Variants in FBN3 observed in about 807,000 individuals in gnomAD.
FBN3 encodes the protein fibrillin 3, also known as fibrillin-3.
A neutral mutation model predicts 330.1 loss-of-function variants in FBN3; 234 were observed. The ratio of observed to expected loss-of-function variants is 0.71; its 90% CI spans 0.64 to 0.79. FBN3 has a LOEUF of 0.79. FBN3 is among the 30% of genes least tolerant of loss of function. The pLI, the probability that FBN3 is intolerant of heterozygous loss-of-function variation, is 0.00. For missense variants in FBN3, 3,606 were observed against 3,886.9 expected (o/e 0.93, Z 1.92); for synonymous variants, 1,458 against 1,517.3 (o/e 0.96, Z 0.91).
intron 63 of FBN3, among the ~76,000 whole-genome samples, chr19:8,068,504 C>T (rs554893232): frequency 2.0e-5 from 3 of 151,924 alleles, no homozygotes; most frequent in Non-Finnish European, 4.4e-5. Flanking sequence ...TGAGACCAGC[C>T]TGGGCAACAT....
At chr19:8,087,598 A>ATTTTTTTTT (rs35631767) in intron 53 of FBN3, among the ~76,000 whole-genome samples, 1 of 75,452 alleles carries the variant, frequency 1.3e-5, no homozygotes, top group African/African-American at 5.8e-5. Flanking sequence ...GCATTGCAGG[A>ATTTTTTTTT]TTTTTTTTTT....
intron 34 of FBN3, among the ~76,000 whole-genome samples, chr19:8,110,424 C>T (rs531356669): frequency 5.9e-5 from 9 of 152,276 alleles, no homozygotes; most frequent in African/African-American, 1.4e-4. Flanking sequence ...AGGTCAAATC[C>T]GGTCCACCAC....
At chr19:8,128,982 G>C (rs761407998) in intron 18 of FBN3, 46 bp downstream of exon 18, 2 of 1,577,390 alleles carry the variant, frequency 1.3e-6, no homozygotes, top group African/African-American at 2.7e-5. Context: ...AAGTATGTTG[G>C]AGCATATGTG....
chr19:8,085,413 G>A lies in FBN3; in HGVS notation c.7037C>T (p.Ala2346Val), dbSNP rs1413339414. The A allele has an allele frequency of 6.3e-7, 1 of 1,578,124 alleles. No homozygotes were observed. Among genetic ancestry groups the A allele is most frequent in the Non-Finnish European group, 8.6e-7 (1 of 1,164,316 alleles). The change falls in exon 56 of 64, where the codon GCC (alanine) becomes GTC (valine). Residue 2346 changes from alanine to valine, a missense_variant. Coordinates refer to ENST00000600128, the MANE Select transcript of FBN3 (RefSeq NM_032447.5). ...GCCATGGGGGCACAGCTTCCTGTAGGCAGAGGTGCCGGGCAGGGGACAGAG... is the reference window on the plus strand; with the variant it reads ...GCCATGGGGGCACAGCTTCCTGTAGACAGAGGTGCCGGGCAGGGGACAGAG... ...CELCPLPGTS[A>V]YRKLCPHGSG...
chr19:8,146,040 C>T, intron 4 of FBN3, 87 bp downstream of exon 4: 1 of 1,502,044 alleles, frequency 6.7e-7, no homozygotes, highest in Non-Finnish European at 9.1e-7. Context: ...CGCTCCTGTC[C>T]TTCAACAAAA....
chr19:8,105,011 G>A (rs1358248238), intron 38 of FBN3, among the ~76,000 whole-genome samples: 1 of 151,024 alleles, frequency 6.6e-6, no homozygotes, highest in African/African-American at 2.4e-5. Context: ...CTAGAGTGCA[G>A]TGGCCTCATC....
At chr19:8,146,842 A>C (rs549686054) in intron 3 of FBN3, among the ~76,000 whole-genome samples, 2 of 146,112 alleles carry the variant, frequency 1.4e-5, no homozygotes, top group Non-Finnish European at 3.0e-5. Flanking sequence ...AGAGAGAGAC[A>C]TGAGCAGAGA....
chr19:8,123,864 G>A lies in FBN3; in HGVS notation c.2876C>T (p.Ser959Phe). The change falls in exon 23 of 64, where the codon TCT (serine) becomes TTT (phenylalanine). Residue 959 changes from serine to phenylalanine, a missense_variant. Ser to Phe is a radical substitution (Grantham distance 155). Transcript: ENST00000600128. ...CGGGCACAGGCTGGCGAACTCCAGA[G>A]ACTCGGGATCCGGGCAGGCCTCGCA... ...VECEACPDPE[S>F]LEFASLCPRG... 1 of 1,613,136 alleles carries A rather than the reference G, an allele frequency of 6.2e-7. No homozygotes were observed. Among genetic ancestry groups the A allele is most frequent in the African/African-American group, 1.3e-5 (1 of 75,052 alleles).
chr19:8,138,640 C>A, intron 8 of FBN3, 76 bp from the exon 9 acceptor site: 1 of 1,447,710 alleles, frequency 6.9e-7, no homozygotes, highest in Admixed American at 2.1e-5. Context: ...CCAGCTGTAG[C>A]AGCACTGCCT....
chr19:8,117,805 G>A (rs747609556), intron 26 of FBN3, among the ~76,000 whole-genome samples: 11 of 152,058 alleles, frequency 7.2e-5, no homozygotes, highest in South Asian at 2.1e-4. Flanking sequence ...CCACGTGCCC[G>A]CTCACACAGA....
rs537377564 is a variant in FBN3, at chr19:8,081,838, A to G, written c.7214-358T>C. ...CTGACTTAGATGTACGCTTGCTACAAAACACAACTGAAAAATATCAGGATG... is the reference window on the plus strand; with the variant it reads ...CTGACTTAGATGTACGCTTGCTACAGAACACAACTGAAAAATATCAGGATG... On this transcript the variant is annotated intron_variant, in intron 57 of 63. Coordinates refer to ENST00000600128, the MANE Select transcript of FBN3 (RefSeq NM_032447.5). Among the ~76,000 whole-genome samples the G allele has an allele frequency of 4.6e-4, 70 of 152,324 alleles. 3 individuals carry two copies. The East Asian group carries it at 0.013, about 29-fold the overall frequency.
In FBN3 at chr19:8,116,663, C is replaced by T. The variant is rs747698746; in HGVS notation, c.3712+11G>A. On this transcript the variant is annotated intron_variant, in intron 29 of 63. Transcript: ENST00000600128. ...CTCCACCCGCCCCGCCCCACCGTCC[C>T]GGCTCCTCACCAACACATGTCCTCA... The T allele has an allele frequency of 5.7e-5, 91 of 1,607,532 alleles. No homozygotes were observed. Among genetic ancestry groups the T allele is most frequent in the Admixed American group, 1.2e-4 (7 of 59,816 alleles).
intron 48 of FBN3, among the ~76,000 whole-genome samples, chr19:8,090,618 G>A (rs902027393): frequency 2.0e-5 from 3 of 151,994 alleles, no homozygotes; most frequent in Non-Finnish European, 4.4e-5. Flanking sequence ...CAAGTAGCTG[G>A]GATTACAGGC....
At chr19:8,117,367 G>A (rs940864226) in intron 27 of FBN3, 76 bp from the exon 28 acceptor site, 67 of 1,539,304 alleles carry the variant, frequency 4.4e-5, no homozygotes, top group Non-Finnish European at 5.6e-5. Context: ...GTTTGGGGGT[G>A]GGAGCAGAGT....
rs142167607 is a variant in FBN3 at position 8,072,773 on chromosome 19, A to G, written c.7937+290T>C. 2.2e-4 allele frequency among the ~76,000 whole-genome samples: 34 copies of G among 151,840 alleles called. No individual in the cohort carries two copies. The East Asian group carries it at 6.1e-3, about 27-fold the overall frequency. ...GCATGCTGGGATCTGTAAATGCACA[A>G]GGGTGCCCACGCATGCTGGTACGGG... On this transcript the variant is annotated intron_variant, in intron 62 of 63. Coordinates refer to ENST00000600128, the MANE Select transcript of FBN3 (RefSeq NM_032447.5).
At chr19:8,082,251 G>A (rs185344342) in intron 57 of FBN3, among the ~76,000 whole-genome samples, 1 of 151,928 alleles carries the variant, frequency 6.6e-6, no homozygotes, top group Admixed American at 6.6e-5. Context: ...GATTACAGGC[G>A]TGAGCCACCT....
At chr19:8,146,058 A>G in intron 4 of FBN3, 69 bp downstream of exon 4, 2 of 1,516,924 alleles carry the variant, frequency 1.3e-6, no homozygotes, top group South Asian at 1.2e-5. Context: ...AAAGCAGCCC[A>G]GGCTCCTCGT....
In FBN3 at chr19:8,085,620, G is replaced by C. The variant is rs1367603341; in HGVS notation, c.6881-51C>G. 4 of 1,400,604 alleles carry C rather than the reference G, an allele frequency of 2.9e-6. No homozygotes were observed. The Admixed American group carries it at 8.4e-5, about 29-fold the overall frequency. 86.8% of individuals were successfully genotyped at this position (1,400,604 alleles called of 1,614,324 possible). A position where few individuals can be genotyped will look rare whatever the true frequency, so the allele number is the denominator to read the frequency against. On this transcript the variant is annotated intron_variant, in intron 55 of 63. Transcript: ENST00000600128. ...CGGTCACTCCAGGAGGCTGGTTTGG[G>C]GGCAAAGACTGAGCTTGCTTTGGGG...
Position 8,118,878 on chromosome 19 carries a change from C to T in FBN3, c.3337+19G>A. ...ACATGGGCTAACACTCACACTTGCA[C>T]ACCCAGATGCACACTTACCCTCACA... On this transcript the variant is annotated intron_variant, in intron 26 of 63. Transcript: ENST00000600128. 2 of 1,600,282 alleles carry T rather than the reference C, an allele frequency of 1.2e-6. No homozygotes were observed. Among genetic ancestry groups the T allele is most frequent in the South Asian group, 1.1e-5 (1 of 90,588 alleles).
Sources: allele counts gnomAD v4.1 joint callset (sites outside exome capture counted in the v4.1 genomes callset), GRCh38; gene constraint gnomAD v4.1.1; transcripts MANE v1.5; gene names NCBI Gene and HGNC (gene_info 2026-07-23, HGNC 2026-07-21).